Variants in CCDC171 observed in about 807,000 individuals in gnomAD.
CCDC171 encodes the protein coiled-coil domain containing 171, also known as coiled-coil domain-containing protein 171.
Under a neutral mutation model 168.2 loss-of-function variants are expected in CCDC171, and 177 were observed. The ratio of observed to expected loss-of-function variants is 1.05; its 90% CI spans 0.93 to 1.19. The LOEUF is 1.19. Among genes scored for constraint, CCDC171 ranks in the 50% most tolerant of loss-of-function variants. CCDC171 has a pLI of 0.00. For synonymous variants in CCDC171, 687 were observed against 540.8 expected, an observed-to-expected ratio of 1.27 and a Z score of -3.75; for missense variants, 1,991 against 1,539.0, an observed-to-expected ratio of 1.29 and a Z score of -4.91.
At chr9:15,702,926 C>T (rs1244588723) in intron 11 of CCDC171, among the ~76,000 whole-genome samples, 16 of 147,998 alleles carry the variant, frequency 1.1e-4, no homozygotes, top group East Asian at 4.0e-4. Context: ...TTCCCTGAGA[C>T]GGAGTCTCAC....
chr9:15,638,888 G>GA (rs1383203245), intron 7 of CCDC171, among the ~76,000 whole-genome samples: 6 of 151,966 alleles, frequency 3.9e-5, no homozygotes, highest in African/African-American at 1.4e-4. Context: ...ACAACTAGGG[G>GA]AGTTTATTAT....
intron 18 of CCDC171, among the ~76,000 whole-genome samples, chr9:15,767,723 C>T (rs1564370543): frequency 6.6e-6 from 1 of 151,616 alleles, no homozygotes; most frequent in Non-Finnish European, 1.5e-5. Flanking sequence ...TCTTTTGATG[C>T]CCATGATATT....
chr9:15,967,077 C>T (rs1331279121), intron 25 of CCDC171, among the ~76,000 whole-genome samples: 14 of 152,184 alleles, frequency 9.2e-5, no homozygotes, highest in South Asian at 8.3e-4. Flanking sequence ...GTATAAACTA[C>T]GGTGGCCTAT....
intron 11 of CCDC171, among the ~76,000 whole-genome samples, chr9:15,700,114 C>T (rs1478113292): frequency 6.6e-6 from 1 of 152,166 alleles, no homozygotes; most frequent in East Asian, 1.9e-4. Context: ...ATCAGGGAGG[C>T]TCCGGTGCAC....
intron 7 of CCDC171, among the ~76,000 whole-genome samples, chr9:15,632,208 T>A (rs1220628583): frequency 6.9e-6 from 1 of 144,552 alleles, no homozygotes; most frequent in Non-Finnish European, 1.5e-5. Context: ...GGGTATTCAG[T>A]TAGGAAAAGA....
chr9:15,990,643 G>A (rs1008919293), intron 3 of CCDC171, among the ~76,000 whole-genome samples: 1 of 152,146 alleles, frequency 6.6e-6, no homozygotes, highest in African/African-American at 2.4e-5. Flanking sequence ...ACTGGATAAA[G>A]CGTCAAGACC....
intron 1 of CCDC171, among the ~76,000 whole-genome samples, chr9:16,054,968 G>T (rs1484090994): frequency 6.6e-6 from 1 of 152,214 alleles, no homozygotes; most frequent in Non-Finnish European, 1.5e-5. Context: ...GCCCCTCGGG[G>T]CAAGGGTGGA....
chr9:15,778,894 T>G, intron 19 of CCDC171, 74 bp from the exon 20 acceptor site: 1 of 1,074,528 alleles, frequency 9.3e-7, no homozygotes, highest in Non-Finnish European at 1.3e-6. Context: ...TACATTTAAT[T>G]TAGTAAAATG....
intron 21 of CCDC171, among the ~76,000 whole-genome samples, chr9:15,838,010 T>C (rs2060521337): frequency 6.6e-6 from 1 of 152,212 alleles, no homozygotes; most frequent in Non-Finnish European, 1.5e-5. Context: ...CAATTGTTAA[T>C]CCTCTTTTTG....
chr9:15,826,382 A>G (rs891339651), intron 21 of CCDC171, among the ~76,000 whole-genome samples: 1 of 152,072 alleles, frequency 6.6e-6, no homozygotes, highest in East Asian at 1.9e-4. Flanking sequence ...TGGCCACAGC[A>G]ATATTTCTGA....
At position 15,721,769 on chromosome 9, in the gene CCDC171, G is replaced by A; in HGVS notation, c.1319G>A (p.Gly440Asp). 2 of 1,524,952 alleles carry A rather than the reference G, an allele frequency of 1.3e-6. No homozygotes were observed. The highest frequency in any genetic ancestry group is 1.8e-6 in the Non-Finnish European group (2 of 1,133,276). 94.5% of individuals were successfully genotyped at this position (1,524,952 alleles called of 1,614,324 possible). Residue 440 changes from glycine (G) to aspartate (D), a missense_variant and splice_region_variant, in exon 12 of 26, where the codon GGC becomes GAC. Physicochemically the swap from Gly to Asp is moderately conservative, Grantham distance 94. Coordinates refer to ENST00000380701, the MANE Select transcript of CCDC171 (RefSeq NM_173550.4). ...SFTVSGQWTS[G>D]IHKDKDKPPS... is the part of the protein sequence containing the mutation. The stretch of plus-strand genomic sequence containing the variant: ...ATTTTCATCCTATATTTTTCTCTAG[G>A]CATCCACAAGGACAAAGATAAACCT...
the CCDC171 span, among the ~76,000 whole-genome samples, chr9:16,099,662 C>G: frequency 6.6e-6 from 1 of 152,212 alleles, no homozygotes; most frequent in African/African-American, 2.4e-5. Context: ...GAGTCCATCC[C>G]AGTTTGCCAT....
chr9:15,580,894 C>T (rs952280215), intron 4 of CCDC171, among the ~76,000 whole-genome samples: 3 of 152,100 alleles, frequency 2.0e-5, no homozygotes, highest in Non-Finnish European at 4.4e-5. Flanking sequence ...CCTCTCTCAC[C>T]ACTCCTAGTC....
chr9:16,075,875 CAGCATAGCAT>C, the CCDC171 span, among the ~76,000 whole-genome samples: 2 of 152,080 alleles, frequency 1.3e-5, no homozygotes, highest in African/African-American at 2.4e-5. Flanking sequence ...CAGCACAGCA[CAGCATAGCAT>C]AGCATAGCAT....
chr9:15,613,586 G>A (rs931036966), intron 6 of CCDC171, among the ~76,000 whole-genome samples: 1 of 149,362 alleles, frequency 6.7e-6, no homozygotes, highest in Non-Finnish European at 1.5e-5. Flanking sequence ...GCAGTGACAC[G>A]GTCTTGGCTA....
intron 21 of CCDC171, among the ~76,000 whole-genome samples, chr9:15,828,596 T>G (rs2060109125): frequency 1.3e-5 from 2 of 152,190 alleles, no homozygotes. Context: ...AAGAAACAGA[T>G]ATGCATAGAT....
rs916047422 is a variant in CCDC171, at chr9:15,695,407, G to T, written c.1318+70G>T. The T allele has an allele frequency of 5.3e-6, 6 of 1,135,478 alleles. No individual in the cohort carries two copies. The African/African-American group carries it at 7.6e-5, about 14-fold the overall frequency. 70.3% of individuals were successfully genotyped at this position (1,135,478 alleles called of 1,614,324 possible). The stretch of plus-strand genomic sequence containing the variant: ...AAAGTCACTACATTTTGGGAATTCT[G>T]CAGATGCCTCTTGTAGTCCCTCATC... On this transcript the variant is annotated intron_variant, in intron 11 of 25. Coordinates refer to ENST00000380701, the MANE Select transcript of CCDC171 (RefSeq NM_173550.4).
chr9:15,947,697 A>C (rs1176811733), intron 25 of CCDC171, among the ~76,000 whole-genome samples: 1 of 151,998 alleles, frequency 6.6e-6, no homozygotes, highest in Non-Finnish European at 1.5e-5. Context: ...TCAAGACCCT[A>C]CTTTCAATTC....
chr9:15,610,504 G>A (rs983062517), intron 6 of CCDC171, among the ~76,000 whole-genome samples: 3 of 133,342 alleles, frequency 2.2e-5, no homozygotes, highest in South Asian at 2.4e-4. Flanking sequence ...GTGGGTGCCT[G>A]TAATTCCAGC....
Sources: gnomAD v4.1 joint callset for allele counts (sites outside exome capture counted in the v4.1 genomes callset) on GRCh38, gnomAD v4.1.1 for gene constraint, MANE v1.5 for transcripts, NCBI Gene and HGNC (gene_info 2026-07-23, HGNC 2026-07-21) for gene names.